The following CUX2 variants were observed in gnomAD, a reference collection of about 807,000 sequenced individuals.
The protein encoded by CUX2 is homeobox protein cut-like 2.
In CUX2, 40 loss-of-function variants were observed where a neutral mutation model predicts 144.8. The observed-to-expected ratio is 0.28, with a 90% CI of 0.21 to 0.36. The LOEUF is 0.36. CUX2 is among the 10% of genes least tolerant of loss of function. The pLI is 1.00. For synonymous variants in CUX2, 827 were observed against 875.6 expected (o/e 0.94, Z 0.98); for missense variants, 1,615 against 1,994.0 (o/e 0.81, Z 3.62).
chr12:111,318,055 T>G (rs1388507423), intron 16 of CUX2, among the ~76,000 whole-genome samples: 2 of 151,310 alleles, frequency 1.3e-5, no homozygotes, highest in Non-Finnish European at 2.9e-5. Context: ...TGGACTTGTT[T>G]TTGTTGTTGT....
intron 16 of CUX2, among the ~76,000 whole-genome samples, chr12:111,316,983 A>G (rs74999070): frequency 0.019 from 2,946 of 152,204 alleles, 94 homozygotes; most frequent in African/African-American, 0.068. Flanking sequence ...ATCATATCAT[A>G]TGTGCTACCT....
chr12:111,218,471 G>T (rs899291544), intron 3 of CUX2, among the ~76,000 whole-genome samples: 1 of 152,094 alleles, frequency 6.6e-6, no homozygotes, highest in African/African-American at 2.4e-5. Context: ...ATTCATGATC[G>T]CACCACTGCA....
Position 111,320,421 on chromosome 12 carries a change from G to T in CUX2, c.2412G>T (p.Ser804=). 1 of 1,597,512 alleles carries T rather than the reference G, an allele frequency of 6.3e-7. No individual in the cohort carries two copies. ...TCAGCCGCCCCTACGCCTCCGTGTC[G>T]CCCTCGCTGTCCTCCTCCTCCTCCT... ...GLLSRPYASV[S]PSLSSSSSSG... Residue 804 remains serine (S), a synonymous_variant, in exon 17 of 22, where the codon TCG becomes TCT. Coordinates refer to ENST00000261726, the MANE Select transcript of CUX2 (RefSeq NM_015267.4). The surrounding 1 kb of genome is among the most constrained non-coding windows in gnomAD (Gnocchi z 8.1).
At chr12:111,125,631 G>A (rs1374535905) in intron 1 of CUX2, among the ~76,000 whole-genome samples, 1 of 152,128 alleles carries the variant, frequency 6.6e-6, no homozygotes, top group Non-Finnish European at 1.5e-5. Flanking sequence ...CACATTTTAT[G>A]TATCCATTCA....
chr12:111,246,800 T>C lies in CUX2; in HGVS notation c.223-16961T>C, dbSNP rs1169334845. On this transcript the variant is annotated intron_variant, in intron 3 of 21. Transcript: ENST00000261726. The surrounding 1 kb of genome is among the most constrained non-coding windows in gnomAD (Gnocchi z 4.0). ...GGCCTGCCTCTCTTGTGTGAGCCTG[T>C]GCCTCTTCCTCCTTGAAGCCCTCCT... Among the ~76,000 whole-genome samples, 1 of 152,146 alleles carries C rather than the reference T, an allele frequency of 6.6e-6. No individual in the cohort carries two copies. Among genetic ancestry groups the C allele is most frequent in the Non-Finnish European group, 1.5e-5 (1 of 68,026 alleles).
intron 1 of CUX2, among the ~76,000 whole-genome samples, chr12:111,206,727 T>A (rs11838155): frequency 0.01 from 1,544 of 152,328 alleles, 29 homozygotes; most frequent in African/African-American, 0.035. Context: ...CAAGGATGGA[T>A]GACTGCTTGA....
chr12:111,045,256 G>T (rs1467895756), intron 1 of CUX2, among the ~76,000 whole-genome samples: 1 of 152,120 alleles, frequency 6.6e-6, no homozygotes, highest in Admixed American at 6.5e-5. Context: ...ATCGGGGGGA[G>T]ACCCATCTTT....
chr12:111,312,094 C>T lies in CUX2; in HGVS notation c.1901-6C>T. 1 of 1,607,276 alleles carries T rather than the reference C, an allele frequency of 6.2e-7. No individual in the cohort carries two copies. The highest frequency in any genetic ancestry group is 8.5e-7 in the Non-Finnish European group (1 of 1,174,878). On this transcript the variant is annotated splice_polypyrimidine_tract_variant and splice_region_variant and intron_variant, in intron 15 of 21. Coordinates refer to ENST00000261726, the MANE Select transcript of CUX2 (RefSeq NM_015267.4). The surrounding 1 kb of genome is among the most constrained non-coding windows in gnomAD (Gnocchi z 4.3). ...TCCTGCCACAGATGCCTTCTTGCCT[C>T]CCCAGGCAGCATCACCCCGAGAATC... is the stretch of plus-strand genomic sequence containing the variant.
intron 2 of CUX2, 90 bp from the exon 3 acceptor site, chr12:111,217,800 T>C: frequency 1.5e-6 from 2 of 1,371,674 alleles, no homozygotes. Flanking sequence ...TGGGAAATGC[T>C]GAGCCAGGGA....
At chr12:111,172,356 G>A (rs1025353709) in intron 1 of CUX2, among the ~76,000 whole-genome samples, 1 of 152,204 alleles carries the variant, frequency 6.6e-6, no homozygotes, top group African/African-American at 2.4e-5. Context: ...ACCCATTAGC[G>A]AGGCAGAACT....
At chr12:111,070,377 CTTCCTTCCTTCCTTCT>C (rs1282139459) in intron 1 of CUX2, among the ~76,000 whole-genome samples, 20 of 109,334 alleles carry the variant, frequency 1.8e-4, no homozygotes, top group African/African-American at 8.2e-4. Context: ...TCCCTCCCTT[CTTCCTTCCTTCCTTCT>C]TTCCTTCCTT....
intron 7 of CUX2, among the ~76,000 whole-genome samples, chr12:111,296,200 G>T (rs1409203634): frequency 2.0e-5 from 3 of 151,800 alleles, no homozygotes; most frequent in Non-Finnish European, 2.9e-5. Flanking sequence ...CCCGGCCTGG[G>T]TCCCCTGAGC....
chr12:111,094,946 C>T (rs1170265201), intron 1 of CUX2, among the ~76,000 whole-genome samples: 1 of 152,184 alleles, frequency 6.6e-6, no homozygotes, highest in Non-Finnish European at 1.5e-5. Context: ...GGTAGACTGG[C>T]TTAGTTACAG....
rs563782394 is a variant in CUX2 at position 111,128,118 on chromosome 12, A to G, written c.64-86082A>G. Among the ~76,000 whole-genome samples, 8 of 152,196 alleles carry G rather than the reference A, an allele frequency of 5.3e-5. No individual in the cohort carries two copies. The South Asian group carries it at 1.5e-3, about 28-fold the overall frequency. Reference sequence around the variant, plus strand: ...TCGTCCTCAAATTTTCTTGTCACCAATTTTCCAATTATGTTCCTTCCAAGT... The same window carrying G: ...TCGTCCTCAAATTTTCTTGTCACCAGTTTTCCAATTATGTTCCTTCCAAGT... On this transcript the variant is annotated intron_variant, in intron 1 of 21. Coordinates refer to ENST00000261726, the MANE Select transcript of CUX2 (RefSeq NM_015267.4).
chr12:111,271,429 A>G (rs1364895089), intron 4 of CUX2, among the ~76,000 whole-genome samples: 1 of 152,148 alleles, frequency 6.6e-6, no homozygotes, highest in Non-Finnish European at 1.5e-5. Flanking sequence ...AAGCACTCAT[A>G]TTTCCCTGTG....
At chr12:111,088,974 G>C (rs1015873484) in intron 1 of CUX2, among the ~76,000 whole-genome samples, 2 of 152,090 alleles carry the variant, frequency 1.3e-5, no homozygotes, top group Non-Finnish European at 2.9e-5. Flanking sequence ...CAGGAGTTAC[G>C]ACCCCCTCCC....
intron 1 of CUX2, among the ~76,000 whole-genome samples, chr12:111,187,657 C>T (rs1371614865): frequency 6.6e-6 from 1 of 152,226 alleles, no homozygotes; most frequent in Admixed American, 6.5e-5. Context: ...CTGTGCACAA[C>T]AGGCCGGCTG....
chr12:111,089,517 C>A (rs1195948812), intron 1 of CUX2, among the ~76,000 whole-genome samples: 1 of 152,198 alleles, frequency 6.6e-6, no homozygotes, highest in Non-Finnish European at 1.5e-5. Context: ...TGATGTTACC[C>A]CTCCAGGCCC....
In CUX2 at chr12:111,125,859, T is replaced by C. The variant is rs79433115; in HGVS notation, c.64-88341T>C. On this transcript the variant is annotated intron_variant, in intron 1 of 21. Coordinates refer to ENST00000261726, the MANE Select transcript of CUX2 (RefSeq NM_015267.4). ...ACAGTGTGGTCAGATCTTCCAATTTTTTTTAGAGAAAATGAAAATTTAGAT... is the reference window on the plus strand; with the variant it reads ...ACAGTGTGGTCAGATCTTCCAATTTCTTTTAGAGAAAATGAAAATTTAGAT... 5.9e-5 allele frequency among the ~76,000 whole-genome samples: 9 copies of C among 152,314 alleles called. No individual in the cohort carries two copies. In the East Asian group the frequency reaches 1.7e-3, roughly 29 times the overall value.
Sources: gnomAD v4.1 joint callset for allele counts (sites outside exome capture counted in the v4.1 genomes callset) on GRCh38, gnomAD v4.1.1 for gene constraint, Gnocchi (gnomAD v3.1) non-coding constraint, MANE v1.5 for transcripts, NCBI Gene and HGNC (gene_info 2026-07-23, HGNC 2026-07-21) for gene names.